DNAH5: variants seen among roughly 807,000 people sequenced by gnomAD.
DNAH5 encodes axonemal beta dynein heavy chain 5.
A neutral mutation model predicts 518.2 loss-of-function variants in DNAH5; 372 were observed. The ratio of observed to expected loss-of-function variants is 0.72; its 90% CI spans 0.66 to 0.78. The LOEUF (loss-of-function observed/expected upper bound fraction) is 0.78. Ranked by LOEUF, DNAH5 falls within the 30% of genes least tolerant of loss-of-function variation. The pLI, the probability that DNAH5 is intolerant of heterozygous loss-of-function variation, is 0.00. For synonymous variants in DNAH5, 2,039 were observed against 2,025.9 expected (o/e 1.01, Z -0.17); for missense variants, 5,523 against 5,687.0 (o/e 0.97, Z 0.93).
intron 19 of DNAH5, among the ~76,000 whole-genome samples, chr5:13,883,950 A>G: frequency 6.6e-6 from 1 of 152,286 alleles, no homozygotes; most frequent in Middle Eastern, 3.4e-3. Context: ...TATTCAAAAT[A>G]TATTTAAAAA....
At chr5:13,809,346 C>T (rs1417259144) in intron 45 of DNAH5, among the ~76,000 whole-genome samples, 160 bp from the exon 46 acceptor site, 1 of 152,090 alleles carries the variant, frequency 6.6e-6, no homozygotes, top group Admixed American at 6.6e-5. Context: ...TATGTGTTAG[C>T]TGAGTCAAAA....
intron 53 of DNAH5, among the ~76,000 whole-genome samples, chr5:13,778,588 A>AAGAGAGAGAG (rs1231214563): frequency 1.5e-4 from 11 of 73,394 alleles, no homozygotes; most frequent in African/African-American, 5.1e-4. Context: ...GAAAGAAAGA[A>AAGAGAGAGAG]AGAAAGAAAG....
At chr5:13,998,312 T>C (rs1420546517) in intron 1 of DNAH5, among the ~76,000 whole-genome samples, 1 of 152,160 alleles carries the variant, frequency 6.6e-6, no homozygotes, top group Non-Finnish European at 1.5e-5. Context: ...TATAAGGACA[T>C]TACTCCCATT....
intron 43 of DNAH5, among the ~76,000 whole-genome samples, chr5:13,813,423 G>T: frequency 6.9e-6 from 1 of 145,738 alleles, no homozygotes; most frequent in Non-Finnish European, 1.5e-5. Flanking sequence ...TCCAAGCCTG[G>T]CTATGTGAAA....
chr5:13,710,207 A>T (rs758973159), intron 75 of DNAH5, among the ~76,000 whole-genome samples: 1 of 152,180 alleles, frequency 6.6e-6, no homozygotes, highest in African/African-American at 2.4e-5. Flanking sequence ...GACCCAGAAG[A>T]GAGACAACAA....
At chr5:13,799,300 C>G (rs867413661) in intron 47 of DNAH5, among the ~76,000 whole-genome samples, 1 of 150,878 alleles carries the variant, frequency 6.6e-6, no homozygotes, top group Non-Finnish European at 1.5e-5. Context: ...CCAACTAGGA[C>G]TTCCAGACAT....
chr5:13,917,255 G>T lies in DNAH5; in HGVS notation c.977C>A (p.Thr326Asn). Residue 326 changes from threonine (T) to asparagine (N), a missense_variant and splice_region_variant, in exon 8 of 79, where the codon ACT becomes AAT. Transcript: ENST00000265104. ...LAAAKSKLLK[T>N]WREMDIRITD... The stretch of plus-strand genomic sequence containing the variant: ...GATTCGAATATCCATCTCCCGCCAA[G>T]TCTAAGCACAATAGGGAAAAGCAAT... 1 of 1,612,482 alleles carries T rather than the reference G, an allele frequency of 6.2e-7. No individual in the cohort carries two copies. The highest frequency in any genetic ancestry group is 8.5e-7 in the Non-Finnish European group (1 of 1,178,754).
At chr5:13,802,798 A>G (rs980247934) in intron 47 of DNAH5, among the ~76,000 whole-genome samples, 3 of 152,222 alleles carry the variant, frequency 2.0e-5, no homozygotes, top group Non-Finnish European at 2.9e-5. Flanking sequence ...GCTGAAAGTC[A>G]GGAAAAACGA....
At chr5:14,011,594 C>A (rs999406239) in intron 1 of DNAH5, among the ~76,000 whole-genome samples, 1 of 152,128 alleles carries the variant, frequency 6.6e-6, no homozygotes, top group Non-Finnish European at 1.5e-5. Flanking sequence ...CGCGCATGCG[C>A]CGCGGCGGCC....
intron 78 of DNAH5, among the ~76,000 whole-genome samples, chr5:13,699,245 C>T (rs1256319029): frequency 6.6e-6 from 1 of 152,174 alleles, no homozygotes; most frequent in Non-Finnish European, 1.5e-5. Flanking sequence ...TCTTTCTGAG[C>T]ACCTCTTTTG....
rs1751993109 is a variant in DNAH5 at position 13,762,994 on chromosome 5, G to C, written c.10102-93C>G. On this transcript the variant is annotated intron_variant, in intron 59 of 78. Coordinates refer to ENST00000265104, the MANE Select transcript of DNAH5 (RefSeq NM_001369.3). ...CTCAATGCCACTGAAACTACTGAAC[G>C]ACCACAAATGAATGAAGGGCATCAT... 4.7e-6 allele frequency: 5 copies of C among 1,055,720 alleles called. No individual in the cohort carries two copies. The East Asian group carries it at 1.2e-4, about 26-fold the overall frequency. The allele number at this position is 1,055,720 out of a possible 1,614,324, so 65.4% of individuals were successfully genotyped here.
rs530186049 is a variant in DNAH5, at chr5:13,966,343, C to G, written c.13-35099G>C. Among the ~76,000 whole-genome samples the G allele has an allele frequency of 2.0e-5, 3 of 152,244 alleles. No homozygotes were observed. The South Asian group carries it at 6.2e-4, about 32-fold the overall frequency. On this transcript the variant is annotated intron_variant, in intron 1 of 78. Coordinates refer to the DNAH5 transcript ENST00000681290. ...AACATCTGTGTGCAAGTATCTTTCT[C>G]GTATAATGACTTCTTTTCCTCTGGG...
At chr5:13,998,264 G>A (rs1266737776) in intron 1 of DNAH5, among the ~76,000 whole-genome samples, 2 of 152,178 alleles carry the variant, frequency 1.3e-5, no homozygotes, top group Non-Finnish European at 2.9e-5. Flanking sequence ...TCACATAGTG[G>A]AAGGGCTGAT....
At chr5:13,986,602 C>A (rs1159457719) in intron 1 of DNAH5, among the ~76,000 whole-genome samples, 1 of 152,176 alleles carries the variant, frequency 6.6e-6, no homozygotes, top group Non-Finnish European at 1.5e-5. Flanking sequence ...GATGCAGACA[C>A]ATCATGTGTG....
intron 1 of DNAH5, among the ~76,000 whole-genome samples, chr5:13,968,297 CCTTT>C (rs1361060504): frequency 6.6e-6 from 1 of 151,926 alleles, no homozygotes; most frequent in Non-Finnish European, 1.5e-5. Context: ...ATTTGGATGC[CCTTT>C]CTTTCTTTCT....
Position 13,717,385 on chromosome 5 carries a change from A to C in DNAH5, c.12635T>G (p.Phe4212Cys), listed in dbSNP as rs756052803. The C allele has an allele frequency of 1.2e-6, 2 of 1,613,970 alleles. No homozygotes were observed. Among genetic ancestry groups the C allele is most frequent in the Non-Finnish European group, 1.7e-6 (2 of 1,179,982 alleles). ...GALGWNIPYE[F>C]NQADFNATVQ... ...AGTGGCATTAAAGTCCGCTTGGTTA[A>C]ATTCGTAGGGGATATTCCACCCCAG... The change falls in exon 73 of 79, where the codon TTT (phenylalanine) becomes TGT (cysteine). Residue 4212 changes from phenylalanine (F) to cysteine (C), a missense_variant. Transcript: ENST00000265104.
At chr5:13,847,103 A>G (rs2151875623) in intron 31 of DNAH5, among the ~76,000 whole-genome samples, 1 of 152,232 alleles carries the variant, frequency 6.6e-6, no homozygotes, top group East Asian at 1.9e-4. Context: ...TAGAGAAGAT[A>G]CCTTATCTTC....
intron 75 of DNAH5, among the ~76,000 whole-genome samples, chr5:13,713,756 T>C (rs1311133612): frequency 6.6e-6 from 1 of 151,842 alleles, no homozygotes; most frequent in Admixed American, 6.6e-5. Flanking sequence ...GCTTAGGTGA[T>C]GGGTTCACCA....
chr5:13,747,947 C>T (rs950114466), intron 65 of DNAH5, among the ~76,000 whole-genome samples: 1 of 152,104 alleles, frequency 6.6e-6, no homozygotes, highest in Admixed American at 6.6e-5. Context: ...TCATGAAGTC[C>T]TTGCCCATGC....
Sources: gnomAD v4.1 joint callset for allele counts (sites outside exome capture counted in the v4.1 genomes callset) on GRCh38, gnomAD v4.1.1 for gene constraint, MANE v1.5 for transcripts, NCBI Gene and HGNC (gene_info 2026-07-23, HGNC 2026-07-21) for gene names.